TRAPPC9: variants seen among roughly 807,000 people sequenced by gnomAD.
TRAPPC9 encodes trafficking protein particle complex subunit 9, also known as IKK2 binding protein.
A neutral mutation model predicts 124.0 loss-of-function variants in TRAPPC9; 83 were observed. The ratio of observed to expected loss-of-function variants is 0.67; its 90% CI spans 0.56 to 0.80. TRAPPC9 has a LOEUF of 0.80. Ranked by LOEUF, TRAPPC9 falls within the 30% of genes least tolerant of loss-of-function variation. The pLI is 0.00. For missense variants in TRAPPC9, 1,302 were observed against 1,508.3 expected, an observed-to-expected ratio of 0.86 and a Z score of 2.27; for synonymous variants, 638 against 617.5, an observed-to-expected ratio of 1.03 and a Z score of -0.49.
At chr8:140,197,511 T>G (rs1009148626) in intron 17 of TRAPPC9, among the ~76,000 whole-genome samples, 1 of 152,204 alleles carries the variant, frequency 6.6e-6, no homozygotes, top group African/African-American at 2.4e-5. Context: ...GTTTTTTGTT[T>G]GGTTTTGTTT....
chr8:140,154,954 C>G (rs185430191), intron 17 of TRAPPC9, among the ~76,000 whole-genome samples: 5 of 152,308 alleles, frequency 3.3e-5, no homozygotes. Flanking sequence ...TTGTCAGTAT[C>G]CTAGCATACC....
At position 140,216,023 on chromosome 8, in the gene TRAPPC9, G is replaced by C. The variant is rs2063184146; in HGVS notation, c.2556+5436C>G. 6.6e-6 allele frequency: 1 copy of C among 152,196 alleles called. No individual in the cohort carries two copies. Among genetic ancestry groups the C allele is most frequent in the Admixed American group, 6.5e-5 (1 of 15,288 alleles). 9.4% of individuals were successfully genotyped at this position (152,196 alleles called of 1,614,324 possible). A position where few individuals can be genotyped will look rare whatever the true frequency, so the allele number is the denominator to read the frequency against. On this transcript the variant is annotated intron_variant, in intron 17 of 22. Transcript: ENST00000438773. This position sits in a 1 kb window ranked among gnomAD's most constrained non-coding sequence, Gnocchi z 4.1. ...CTCGAGTGCAGGATACAGAGGCGTT[G>C]GGACTCTGTCCACAGGTAAAATTCA...
At chr8:140,229,266 T>A (rs1211197227) in intron 16 of TRAPPC9, among the ~76,000 whole-genome samples, 1 of 136,882 alleles carries the variant, frequency 7.3e-6, no homozygotes, top group Non-Finnish European at 1.6e-5. Flanking sequence ...TTTTTTTTTT[T>A]TTTTTTTTTT....
chr8:140,363,112 T>C (rs1360142727), intron 8 of TRAPPC9, among the ~76,000 whole-genome samples: 1 of 152,256 alleles, frequency 6.6e-6, no homozygotes, highest in Admixed American at 6.5e-5. Context: ...TATTGCCTTT[T>C]AGCAAATCCA....
intron 17 of TRAPPC9, among the ~76,000 whole-genome samples, chr8:140,120,692 T>A (rs2060969036): frequency 6.7e-6 from 1 of 148,446 alleles, no homozygotes; most frequent in African/African-American, 2.5e-5. Context: ...CATCCATCCA[T>A]CCATCCAACA....
intron 8 of TRAPPC9, among the ~76,000 whole-genome samples, chr8:140,366,314 C>T (rs2068106939): frequency 6.6e-6 from 1 of 151,742 alleles, no homozygotes; most frequent in African/African-American, 2.4e-5. Context: ...TAAAAATATC[C>T]CTAATCTCGA....
At position 139,858,303 on chromosome 8, in the gene TRAPPC9, T is replaced by C. The variant is rs375226907; in HGVS notation, c.3055+27576A>G. 7.9e-5 allele frequency among the ~76,000 whole-genome samples: 12 copies of C among 152,346 alleles called. No homozygotes were observed. The East Asian group carries it at 9.6e-4, about 12-fold the overall frequency. ...ACAGCACAGCATGGGGTGCTTCCTT[T>C]GCACCTGACTTCCGCGATCATAAGG... On this transcript the variant is annotated intron_variant, in intron 21 of 22. Transcript: ENST00000438773.
At chr8:139,992,867 T>C (rs1587436376) in intron 18 of TRAPPC9, among the ~76,000 whole-genome samples, 1 of 151,978 alleles carries the variant, frequency 6.6e-6, no homozygotes, top group African/African-American at 2.4e-5. Context: ...CACAGAAAAT[T>C]AGATCCCTAC....
At chr8:139,758,888 C>T (rs1164465208) in intron 21 of TRAPPC9, among the ~76,000 whole-genome samples, 2 of 152,204 alleles carry the variant, frequency 1.3e-5, no homozygotes, top group African/African-American at 4.8e-5. Flanking sequence ...TGTGTTGCCT[C>T]CCCATCCTCC....
intron 17 of TRAPPC9, among the ~76,000 whole-genome samples, chr8:140,043,668 G>C (rs894803607): frequency 3.9e-5 from 6 of 152,138 alleles, no homozygotes; most frequent in Non-Finnish European, 7.3e-5. Context: ...TAGATCGCTG[G>C]GCCAACACCA....
At chr8:139,971,782 C>CATAT (rs1491301800) in intron 19 of TRAPPC9, among the ~76,000 whole-genome samples, 17 of 39,198 alleles carry the variant, frequency 4.3e-4, no homozygotes, top group African/African-American at 2.0e-3. Flanking sequence ...TATACACACA[C>CATAT]ATATATACAC....
intron 21 of TRAPPC9, among the ~76,000 whole-genome samples, chr8:139,763,752 CA>C (rs1261943084): frequency 5.3e-5 from 8 of 152,306 alleles, no homozygotes; most frequent in African/African-American, 1.9e-4. Context: ...CCACGTGGGT[CA>C]GGGGAGACGA....
In TRAPPC9 at chr8:140,155,508, G is replaced by A. The variant is rs559516323; in HGVS notation, c.2556+65951C>T. Among the ~76,000 whole-genome samples the A allele has an allele frequency of 1.8e-4, 27 of 152,342 alleles. No homozygotes were observed. The South Asian group carries it at 5.6e-3, about 32-fold the overall frequency. The stretch of plus-strand genomic sequence containing the variant: ...ATGAAAGCCGGGAACAAGGGAAAGA[G>A]ATGCAGAGAAGATCCATGTTACAAC... On this transcript the variant is annotated intron_variant, in intron 17 of 22. Transcript: ENST00000438773.
chr8:139,792,392 T>TGTGTGTGCCACACGCGTGTGCGC (rs1247165309), intron 21 of TRAPPC9, among the ~76,000 whole-genome samples: 4 of 152,196 alleles, frequency 2.6e-5, no homozygotes, highest in Admixed American at 1.3e-4. Context: ...AAGAGCAGTC[T>TGTGTGTGCCACACGCGTGTGCGC]GTGTGTGCCA....
chr8:140,112,056 C>T (rs2060786031), intron 17 of TRAPPC9, among the ~76,000 whole-genome samples: 1 of 152,270 alleles, frequency 6.6e-6, no homozygotes, highest in Admixed American at 6.5e-5. Context: ...CCTTCATCAA[C>T]TTGGCCACTT....
chr8:140,045,956 G>A (rs1841566194), intron 17 of TRAPPC9, among the ~76,000 whole-genome samples: 1 of 152,116 alleles, frequency 6.6e-6, no homozygotes, highest in African/African-American at 2.4e-5. Context: ...CCATAAATCA[G>A]CTGTCCTCTC....
At chr8:140,236,493 G>A (rs762468168) in intron 16 of TRAPPC9, among the ~76,000 whole-genome samples, 31 of 152,234 alleles carry the variant, frequency 2.0e-4, no homozygotes, top group Non-Finnish European at 3.7e-4. Context: ...CAGGTCTCAA[G>A]AGAACTGGAG....
intron 21 of TRAPPC9, among the ~76,000 whole-genome samples, chr8:139,852,301 T>C (rs919772584): frequency 6.6e-6 from 1 of 152,128 alleles, no homozygotes; most frequent in Non-Finnish European, 1.5e-5. Flanking sequence ...AGCATGAAAA[T>C]GGACTAATAC....
chr8:139,845,035 C>T (rs979875361), intron 21 of TRAPPC9, among the ~76,000 whole-genome samples: 1 of 152,202 alleles, frequency 6.6e-6, no homozygotes, highest in African/African-American at 2.4e-5. Context: ...CAGCCCTGCC[C>T]GGATTCATCG....
Sources: allele counts gnomAD v4.1 joint callset (sites outside exome capture counted in the v4.1 genomes callset), GRCh38; gene constraint gnomAD v4.1.1; non-coding constraint Gnocchi (gnomAD v3.1); transcripts MANE v1.5; gene names NCBI Gene and HGNC (gene_info 2026-07-23, HGNC 2026-07-21).